ZFYVE28: variants seen among roughly 807,000 people sequenced by gnomAD.
The protein encoded by ZFYVE28 is lateral signaling target protein 2 homolog.
A neutral mutation model predicts 82.1 loss-of-function variants in ZFYVE28; 40 were observed. That is an observed-to-expected ratio of 0.49 (90% CI 0.38 to 0.63). The LOEUF (loss-of-function observed/expected upper bound fraction) is 0.63, where lower values mean the gene tolerates loss of function less well. Among genes scored for constraint, ZFYVE28 ranks in the 30% least tolerant of loss-of-function variants. The pLI is 0.00. For synonymous variants in ZFYVE28, 612 were observed against 546.1 expected (o/e 1.12, Z -1.68); for missense variants, 1,321 against 1,242.1 (o/e 1.06, Z -0.96).
intron 2 of ZFYVE28, among the ~76,000 whole-genome samples, chr4:2,348,077 GT>G (rs548503831): frequency 1.4e-3 from 209 of 152,222 alleles, no homozygotes; most frequent in Non-Finnish European, 2.7e-3. Context: ...TATCAACACA[GT>G]TCAGAATGAA....
intron 6 of ZFYVE28, chr4:2,330,840 GTGGGGAC>G: frequency 6.5e-7 from 1 of 1,535,198 alleles, no homozygotes; most frequent in Non-Finnish European, 8.7e-7. Flanking sequence ...CAGCGGGTGC[GTGGGGAC>G]TGGGGAGAGA....
At chr4:2,404,860 T>TCTTTTTC (rs1553867226) in intron 1 of ZFYVE28, among the ~76,000 whole-genome samples, 4 of 140,796 alleles carry the variant, frequency 2.8e-5, no homozygotes, top group Admixed American at 7.0e-5. Context: ...TCTCGCTCTT[T>TCTTTTTC]TTTTTTTTTT....
At chr4:2,289,051 A>T (rs1713193225) in intron 8 of ZFYVE28, among the ~76,000 whole-genome samples, 1 of 152,216 alleles carries the variant, frequency 6.6e-6, no homozygotes, top group Non-Finnish European at 1.5e-5. Context: ...TGGGAGGCCA[A>T]GGTGGGAGAT....
Position 2,304,692 on chromosome 4 carries a change from G to A in ZFYVE28, c.1648C>T (p.His550Tyr). The change falls in exon 8 of 13, where the codon CAC (histidine) becomes TAC (tyrosine). Residue 550 changes from histidine (H) to tyrosine (Y), a missense_variant. Coordinates refer to ENST00000290974, the MANE Select transcript of ZFYVE28 (RefSeq NM_020972.3). Reference sequence around the variant, plus strand: ...TTGGTGGCCCCAGTGCTAAGCTTGTGGGGGCCGCCATCCATCCCCTCGGCC... The same window carrying A: ...TTGGTGGCCCCAGTGCTAAGCTTGTAGGGGCCGCCATCCATCCCCTCGGCC... The part of the protein sequence containing the change: ...PVAEGMDGGP[H>Y]KLSTGATNCL... 4 of 1,612,614 alleles carry A rather than the reference G, an allele frequency of 2.5e-6. No homozygotes were observed. Among genetic ancestry groups the A allele is most frequent in the Non-Finnish European group, 3.4e-6 (4 of 1,179,886 alleles).
intron 8 of ZFYVE28, among the ~76,000 whole-genome samples, chr4:2,298,125 G>C (rs1392818238): frequency 6.9e-6 from 1 of 144,052 alleles, no homozygotes; most frequent in African/African-American, 2.6e-5. Flanking sequence ...ACAGTGACAC[G>C]GCGGGCTGTG....
rs1271091773 is a variant in ZFYVE28 at position 2,418,457 on chromosome 4, G to A, written c.-134C>T. ...CGCTGTCGCAGGGAGGCTGGCTAGC[G>A]AAGCCCGGAGCGCCGAGCGGGCGGC... is the stretch of plus-strand genomic sequence containing the variant. On this transcript the variant is annotated 5_prime_UTR_variant, in exon 1 of 13. Coordinates refer to ENST00000290974, the MANE Select transcript of ZFYVE28 (RefSeq NM_020972.3). The surrounding 1 kb of genome is among the most constrained non-coding windows in gnomAD (Gnocchi z 4.6). 2 of 666,718 alleles carry A rather than the reference G, an allele frequency of 3.0e-6. No homozygotes were observed. Among genetic ancestry groups the A allele is most frequent in the Non-Finnish European group, 3.8e-6 (2 of 528,154 alleles). 41.3% of individuals were successfully genotyped at this position (666,718 alleles called of 1,614,324 possible).
intron 2 of ZFYVE28, among the ~76,000 whole-genome samples, chr4:2,353,552 T>C (rs1560265715): frequency 6.6e-6 from 1 of 152,176 alleles, no homozygotes; most frequent in Non-Finnish European, 1.5e-5. Context: ...ATGCAGCAGA[T>C]GCTGGCAGCA....
At chr4:2,271,907 C>A in intron 10 of ZFYVE28, 128 bp from the exon 11 acceptor site, 2 of 807,400 alleles carry the variant, frequency 2.5e-6, no homozygotes, top group Non-Finnish European at 4.1e-6. Context: ...CACTGGCAGT[C>A]TCATGGCAGG....
At chr4:2,386,518 C>G (rs1578341522) in intron 1 of ZFYVE28, among the ~76,000 whole-genome samples, 1 of 152,212 alleles carries the variant, frequency 6.6e-6, no homozygotes, top group Admixed American at 6.5e-5. Context: ...TAAGAGGTGA[C>G]TGACTGTCCT....
At chr4:2,364,794 G>A (rs768410402) in intron 1 of ZFYVE28, 37 of 985,446 alleles carry the variant, frequency 3.8e-5, no homozygotes, top group Admixed American at 6.1e-5. Flanking sequence ...CACGGCCTCC[G>A]AGCGGGTGAC....
At chr4:2,306,943 G>A (rs1472339951) in intron 7 of ZFYVE28, 9 of 152,230 alleles carry the variant, frequency 5.9e-5, no homozygotes, top group African/African-American at 1.7e-4. Flanking sequence ...AAGAACATAC[G>A]AGGGCATTTC....
intron 6 of ZFYVE28, chr4:2,330,433 A>T (rs574622528): frequency 5.7e-6 from 6 of 1,051,932 alleles, no homozygotes; most frequent in Non-Finnish European, 5.7e-6. Flanking sequence ...AGGGGACATC[A>T]TGGAGGGGAC....
chr4:2,352,309 C>T (rs772467247), intron 2 of ZFYVE28, among the ~76,000 whole-genome samples: 22 of 151,674 alleles, frequency 1.5e-4, no homozygotes, highest in Non-Finnish European at 2.8e-4. Flanking sequence ...AGACATGGAG[C>T]AGGATGAGGC....
At chr4:2,336,367 CAAAGAGTAAAAATTTGCTTTTTAAA>C (rs1162320120) in intron 5 of ZFYVE28, among the ~76,000 whole-genome samples, 1 of 152,148 alleles carries the variant, frequency 6.6e-6, no homozygotes, top group African/African-American at 2.4e-5. Flanking sequence ...TCTCAAAGCA[CAAAGAGTAAAAATTTGCTTTTTAAA>C]AATAACAAAC....
chr4:2,399,120 G>GATCTAA (rs1312540034), intron 1 of ZFYVE28, among the ~76,000 whole-genome samples: 9,558 of 84,684 alleles, frequency 0.11, 1,637 homozygotes, highest in African/African-American at 0.19. Context: ...GCAAGATGGA[G>GATCTAA]GGCACAAGCT....
intron 1 of ZFYVE28, 87 bp from the exon 2 acceptor site, chr4:2,354,160 G>A (rs1217736525): frequency 1.5e-6 from 2 of 1,350,054 alleles, no homozygotes; most frequent in East Asian, 3.0e-5. Context: ...GGCCATGTGT[G>A]GGCTCAGCCT....
intron 7 of ZFYVE28, among the ~76,000 whole-genome samples, chr4:2,318,771 G>A (rs1049329612): frequency 6.6e-6 from 1 of 152,152 alleles, no homozygotes; most frequent in East Asian, 1.9e-4. Flanking sequence ...AAGGTGAGGT[G>A]ACTCATACCT....
At chr4:2,302,946 C>T (rs571530116) in intron 8 of ZFYVE28, among the ~76,000 whole-genome samples, 89 of 152,330 alleles carry the variant, frequency 5.8e-4, no homozygotes, top group Non-Finnish European at 7.9e-4. Context: ...CTTCAAAACG[C>T]GGAGGACGGT....
chr4:2,367,526 G>A (rs1894433), intron 1 of ZFYVE28, among the ~76,000 whole-genome samples: 101,714 of 152,180 alleles, frequency 0.67, 34,324 homozygotes, highest in East Asian at 0.8. Flanking sequence ...CTGCTTATTT[G>A]TGAATTATTT....
Sources: gnomAD v4.1 joint callset for allele counts (sites outside exome capture counted in the v4.1 genomes callset) on GRCh38, gnomAD v4.1.1 for gene constraint, Gnocchi (gnomAD v3.1) non-coding constraint, MANE v1.5 for transcripts, NCBI Gene and HGNC (gene_info 2026-07-23, HGNC 2026-07-21) for gene names.